The following WDR64 variants were observed in gnomAD, a reference collection of about 807,000 sequenced individuals.
WDR64 encodes WD repeat domain 64, also known as WD repeat-containing protein 64.
Under a neutral mutation model 139.3 loss-of-function variants are expected in WDR64, and 112 were observed. The observed-to-expected ratio is 0.80, with a 90% CI of 0.69 to 0.94. The LOEUF (loss-of-function observed/expected upper bound fraction) is 0.94. WDR64 is among the 40% of genes least tolerant of loss of function. WDR64 has a pLI of 0.00. For missense variants in WDR64, 1,206 were observed against 1,293.1 expected, an observed-to-expected ratio of 0.93 and a Z score of 1.03; for synonymous variants, 444 against 437.7, an observed-to-expected ratio of 1.01 and a Z score of -0.18.
At chr1:241,739,813 T>C (rs1232149177) in intron 11 of WDR64, among the ~76,000 whole-genome samples, 1 of 152,232 alleles carries the variant, frequency 6.6e-6, no homozygotes, top group Non-Finnish European at 1.5e-5. Context: ...CTGCAGACAC[T>C]TACTGCAACC....
rs944128885 is a variant in WDR64 at position 241,679,627 on chromosome 1, G to T, written c.624+32G>T. 3.3e-6 allele frequency: 5 copies of T among 1,532,238 alleles called. No individual in the cohort carries two copies. In the East Asian group the frequency reaches 1.2e-4, roughly 38 times the overall value. The allele number at this position is 1,532,238 out of a possible 1,614,324, so 94.9% of individuals were successfully genotyped here. ...TGCCAAGAGAAATACTCAAAGAAAT[G>T]AGATTGTCTTTTCAGTAGTGGTACG... On this transcript the variant is annotated intron_variant, in intron 6 of 27. Coordinates refer to ENST00000437684, the MANE Select transcript of WDR64 (RefSeq NM_001367482.1).
In WDR64 at chr1:241,787,957, T is replaced by A; in HGVS notation, c.2814T>A (p.Tyr938Ter). The A allele has an allele frequency of 1.2e-6, 2 of 1,611,398 alleles. No individual in the cohort carries two copies. The highest frequency in any genetic ancestry group is 1.7e-6 in the Non-Finnish European group (2 of 1,179,284). Residue 938 changes from tyrosine (Y) to a stop codon, truncating the protein, a stop_gained, in exon 24 of 28, where the codon TAT (tyrosine) becomes TAA (stop). Transcript: ENST00000437684. LOFTEE classifies it high-confidence loss of function. ...TTTTGCCTTGTGATGTTACTGAATA[T>A]CCCATAGAAATAAAAGAAGAAAGCA... is the stretch of plus-strand genomic sequence containing the variant. ...DFILPCDVTE[Y>*]PIEIKEESKF...
chr1:241,732,798 C>A (rs1669134378), intron 10 of WDR64, among the ~76,000 whole-genome samples: 1 of 150,536 alleles, frequency 6.6e-6, no homozygotes, highest in African/African-American at 2.4e-5. Context: ...CCAGCCTGGG[C>A]AACAAGAGTG....
At chr1:241,733,960 G>C (rs532690402) in intron 10 of WDR64, among the ~76,000 whole-genome samples, 6 of 152,236 alleles carry the variant, frequency 3.9e-5, no homozygotes, top group African/African-American at 1.4e-4. Context: ...AAGAAGACTA[G>C]AGCTTAATTA....
At position 241,749,586 on chromosome 1, in the gene WDR64, T is replaced by C; in HGVS notation, c.1634T>C (p.Met545Thr). 1 of 1,614,098 alleles carries C rather than the reference T, an allele frequency of 6.2e-7. No homozygotes were observed. Among genetic ancestry groups the C allele is most frequent in the South Asian group, 1.1e-5 (1 of 91,076 alleles). ...TGGGACTTTGGCAGTGGGCAGGAGA[T>C]GAAGGTGTTGCCGGAGGGGAAAGAC... ...RIWDFGSGQE[M>T]KVLPEGKDWK... is the part of the protein sequence containing the mutation. Residue 545 changes from methionine to threonine, a missense_variant, in exon 14 of 28, where the codon ATG (methionine) becomes ACG (threonine). Met to Thr is a moderately conservative substitution (Grantham distance 81). Coordinates refer to ENST00000437684, the MANE Select transcript of WDR64 (RefSeq NM_001367482.1).
At chr1:241,661,140 T>G (rs750805747) in intron 2 of WDR64, among the ~76,000 whole-genome samples, 3 of 151,700 alleles carry the variant, frequency 2.0e-5, no homozygotes, top group Non-Finnish European at 4.4e-5. Context: ...AATTAAATAA[T>G]TTTTATAAAT....
chr1:241,787,954 A>G lies in WDR64; in HGVS notation c.2811A>G (p.Glu937=), dbSNP rs1456818418. The G allele has an allele frequency of 1.2e-6, 2 of 1,611,914 alleles. No homozygotes were observed. Among genetic ancestry groups the G allele is most frequent in the Non-Finnish European group, 1.7e-6 (2 of 1,179,446 alleles). Residue 937 remains glutamate, a synonymous_variant, in exon 24 of 28, where the codon GAA becomes GAG. Transcript: ENST00000437684. ...RDFILPCDVT[E]YPIEIKEESK... The stretch of plus-strand genomic sequence containing the variant: ...TCATTTTGCCTTGTGATGTTACTGA[A>G]TATCCCATAGAAATAAAAGAAGAAA...
intron 8 of WDR64, among the ~76,000 whole-genome samples, chr1:241,701,278 G>GTGCACA (rs1667700954): frequency 6.6e-6 from 1 of 150,892 alleles, no homozygotes; most frequent in African/African-American, 2.5e-5. Context: ...GCACATGCGC[G>GTGCACA]CACACACACA....
intron 8 of WDR64, among the ~76,000 whole-genome samples, chr1:241,704,258 G>A (rs1315691076): frequency 6.6e-6 from 1 of 152,180 alleles, no homozygotes; most frequent in Middle Eastern, 3.4e-3. Context: ...TGGTGGACCT[G>A]GGCTCAAGTC....
At chr1:241,694,452 ATAAT>A (rs1368108681) in intron 8 of WDR64, among the ~76,000 whole-genome samples, 1 of 152,200 alleles carries the variant, frequency 6.6e-6, no homozygotes, top group African/African-American at 2.4e-5. Context: ...TTTATATGGC[ATAAT>A]TAATTGCATA....
At chr1:241,778,392 T>C (rs57498707) in intron 21 of WDR64, among the ~76,000 whole-genome samples, 26,283 of 152,168 alleles carry the variant, frequency 0.17, 2,643 homozygotes, top group African/African-American at 0.26. Context: ...TATGTATCTA[T>C]ATTTAAAGTA....
At chr1:241,798,881 G>T (rs1323041079) in intron 27 of WDR64, among the ~76,000 whole-genome samples, 1 of 151,920 alleles carries the variant, frequency 6.6e-6, no homozygotes, top group Non-Finnish European at 1.5e-5. Flanking sequence ...TATTAACCAT[G>T]GTACAACAAA....
intron 24 of WDR64, among the ~76,000 whole-genome samples, chr1:241,789,531 G>C (rs977159607): frequency 2.0e-5 from 3 of 152,148 alleles, no homozygotes; most frequent in African/African-American, 4.8e-5. Flanking sequence ...TATACACCAC[G>C]AAATACTATG....
intron 15 of WDR64, among the ~76,000 whole-genome samples, chr1:241,763,764 C>T (rs1041911264): frequency 2.0e-5 from 3 of 152,140 alleles, no homozygotes; most frequent in Non-Finnish European, 2.9e-5. Context: ...GAAATCCTCT[C>T]CCTAAAACTC....
At chr1:241,757,552 CT>C in intron 15 of WDR64, 93 bp downstream of exon 15, 4 of 1,185,432 alleles carry the variant, frequency 3.4e-6, no homozygotes, top group Non-Finnish European at 4.6e-6. Flanking sequence ...ATACAAAGAG[CT>C]TCTATGTGTT....
At position 241,723,350 on chromosome 1, in the gene WDR64, G is replaced by A. The variant is rs1668677541; in HGVS notation, c.1108G>A (p.Gly370Arg). The A allele has an allele frequency of 6.2e-7, 1 of 1,613,858 alleles. No homozygotes were observed. The highest frequency in any genetic ancestry group is 8.5e-7 in the Non-Finnish European group (1 of 1,179,936). ...WHPNISTKPVGKLVGHMFSIA... is the reference protein window; with the variant it reads ...WHPNISTKPVRKLVGHMFSIA... ...CCCCAATATCAGCACCAAGCCAGTAGGGAAACTTGTAGGACACATGTTCAG... is the reference window on the plus strand; with the variant it reads ...CCCCAATATCAGCACCAAGCCAGTAAGGAAACTTGTAGGACACATGTTCAG... Residue 370 changes from glycine to arginine, a missense_variant, in exon 10 of 28, where the codon GGG (glycine) becomes AGG (arginine). Gly to Arg is a moderately radical substitution (Grantham distance 125, BLOSUM62 -2). Coordinates refer to ENST00000437684, the MANE Select transcript of WDR64 (RefSeq NM_001367482.1).
At chr1:241,751,127 AG>A (rs1200105043) in intron 14 of WDR64, among the ~76,000 whole-genome samples, 1 of 152,176 alleles carries the variant, frequency 6.6e-6, no homozygotes, top group Non-Finnish European at 1.5e-5. Context: ...ATGTTCCAGA[AG>A]GATATTCCCT....
At chr1:241,715,956 G>C (rs948862996) in intron 9 of WDR64, among the ~76,000 whole-genome samples, 23 of 152,006 alleles carry the variant, frequency 1.5e-4, no homozygotes, top group Non-Finnish European at 3.2e-4. Context: ...GTTTATTATA[G>C]GTTTTCTAGC....
chr1:241,743,856 C>G (rs1024657347), intron 12 of WDR64, among the ~76,000 whole-genome samples: 1 of 152,148 alleles, frequency 6.6e-6, no homozygotes, highest in Non-Finnish European at 1.5e-5. Context: ...CTCTGTCTCT[C>G]TCTTTCTCTT....
Sources: allele counts gnomAD v4.1 joint callset (sites outside exome capture counted in the v4.1 genomes callset), GRCh38; gene constraint gnomAD v4.1.1; transcripts MANE v1.5; gene names NCBI Gene and HGNC (gene_info 2026-07-23, HGNC 2026-07-21).